Variants in TBC1D8 observed in about 807,000 individuals in gnomAD.
The protein encoded by TBC1D8 is TBC1 domain family member 8.
TBC1D8 carries 65 observed loss-of-function variants against 118.8 expected under a neutral mutation model. The ratio of observed to expected loss-of-function variants is 0.55; its 90% CI spans 0.45 to 0.67. TBC1D8 has a LOEUF of 0.67. Among genes scored for constraint, TBC1D8 ranks in the 30% least tolerant of loss-of-function variants. The pLI is 0.00. For missense variants in TBC1D8, 1,376 were observed against 1,471.2 expected, an observed-to-expected ratio of 0.94 and a Z score of 1.06; for synonymous variants, 566 against 595.8, an observed-to-expected ratio of 0.95 and a Z score of 0.73.
intron 1 of TBC1D8, among the ~76,000 whole-genome samples, chr2:101,121,705 C>A (rs1678116534): frequency 6.6e-6 from 1 of 152,200 alleles, no homozygotes; most frequent in South Asian, 2.1e-4. Context: ...AACATTTAGA[C>A]CATAGCACAA....
At chr2:101,053,633 A>G (rs1682204278) in intron 4 of TBC1D8, among the ~76,000 whole-genome samples, 1 of 152,210 alleles carries the variant, frequency 6.6e-6, no homozygotes, top group Non-Finnish European at 1.5e-5. Flanking sequence ...GCCACTGGAT[A>G]AACAGGTGAG....
chr2:101,018,854 G>C, intron 17 of TBC1D8: 3 of 1,007,116 alleles, frequency 3.0e-6, no homozygotes, highest in Non-Finnish European at 4.3e-6. Context: ...AGTCCAATTA[G>C]TATAATTAAC....
intron 1 of TBC1D8, among the ~76,000 whole-genome samples, chr2:101,125,735 G>A (rs1245534852): frequency 6.6e-6 from 1 of 152,214 alleles, no homozygotes; most frequent in South Asian, 2.1e-4. Flanking sequence ...AGAGCCCAGA[G>A]ACTTAAGGAT....
intron 3 of TBC1D8, 80 bp from the exon 4 acceptor site, chr2:101,054,416 G>C (rs1410349850): frequency 2.1e-6 from 3 of 1,415,982 alleles, no homozygotes. Context: ...GAAGCAGGAG[G>C]GACTGAGGTG....
chr2:101,093,718 G>GA (rs910585526), intron 1 of TBC1D8, among the ~76,000 whole-genome samples: 17 of 148,460 alleles, frequency 1.1e-4, no homozygotes, highest in Admixed American at 1.3e-4. Context: ...CCATCTCAGG[G>GA]AAAAAAAAAG....
At chr2:101,150,383 C>T (rs780899665) in intron 1 of TBC1D8, among the ~76,000 whole-genome samples, 2 of 152,118 alleles carry the variant, frequency 1.3e-5, no homozygotes, top group African/African-American at 2.4e-5. Context: ...CTAATTGTTC[C>T]TTCACTGACC....
intron 3 of TBC1D8, among the ~76,000 whole-genome samples, chr2:101,058,723 C>T (rs1682579613): frequency 6.8e-6 from 1 of 146,176 alleles, no homozygotes; most frequent in South Asian, 2.2e-4. Context: ...GTAGATCCAA[C>T]AGAACAGTGT....
chr2:101,014,517 C>A (rs911411251), intron 17 of TBC1D8, among the ~76,000 whole-genome samples: 3 of 152,212 alleles, frequency 2.0e-5, no homozygotes, highest in African/African-American at 7.2e-5. Context: ...TCTCCTCCAG[C>A]TAAATCTTTA....
intron 17 of TBC1D8, chr2:101,017,741 AG>A: frequency 7.3e-6 from 8 of 1,099,296 alleles, no homozygotes; most frequent in Non-Finnish European, 1.1e-5. Context: ...CAGGCAAGAT[AG>A]GGTCAAGTGA....
rs1335408435 is a variant in TBC1D8, at chr2:101,007,594, G to T, written c.*227C>A. 1.9e-6 allele frequency: 1 copy of T among 530,054 alleles called. No individual in the cohort carries two copies. Among genetic ancestry groups the T allele is most frequent in the Non-Finnish European group, 3.3e-6 (1 of 301,006 alleles). The allele number at this position is 530,054 out of a possible 1,614,324, so 32.8% of individuals were successfully genotyped here. ...TCAGCAAATCCGGTAAAAATTGTAA[G>T]TTGGCATCAAGGGAACCAATGGATA... On this transcript the variant is annotated 3_prime_UTR_variant, in exon 20 of 20. Coordinates refer to ENST00000409318, the MANE Select transcript of TBC1D8 (RefSeq NM_001330348.2).
At chr2:101,127,808 C>G (rs1678419610) in intron 1 of TBC1D8, among the ~76,000 whole-genome samples, 1 of 152,176 alleles carries the variant, frequency 6.6e-6, no homozygotes, top group African/African-American at 2.4e-5. Context: ...ATGTGAGGGT[C>G]ACAGCTCCTG....
rs1338916426 is a variant in TBC1D8 at position 101,137,222 on chromosome 2, G to A, written c.127+13905C>T. 5.3e-5 allele frequency among the ~76,000 whole-genome samples: 8 copies of A among 151,650 alleles called. No individual in the cohort carries two copies. In the South Asian group the frequency reaches 8.4e-4, roughly 16 times the overall value. On this transcript the variant is annotated intron_variant, in intron 1 of 19. Transcript: ENST00000409318. ...TAATTTTTGTATTTTTAGTAGAGAC[G>A]GAGTTTCACCATGTTGGTCAGGCTG...
At chr2:101,038,376 A>G in intron 7 of TBC1D8, 85 bp downstream of exon 7, 3 of 1,444,126 alleles carry the variant, frequency 2.1e-6, no homozygotes, top group South Asian at 1.2e-5. Context: ...TCATCCCCAC[A>G]TGGCTCTCCC....
At chr2:101,109,370 G>A (rs143893693) in intron 1 of TBC1D8, among the ~76,000 whole-genome samples, 5 of 152,250 alleles carry the variant, frequency 3.3e-5, no homozygotes, top group South Asian at 2.1e-4. Context: ...AACAAAAAAC[G>A]GTTAACATGG....
At chr2:101,032,691 A>G (rs1680743411) in intron 10 of TBC1D8, 1 of 310,794 alleles carries the variant, frequency 3.2e-6, no homozygotes, top group Admixed American at 4.4e-5. Context: ...GTTCAAGCAG[A>G]CACACACATG....
chr2:101,062,951 A>G (rs1682834325), intron 2 of TBC1D8, among the ~76,000 whole-genome samples: 1 of 152,094 alleles, frequency 6.6e-6, no homozygotes, highest in African/African-American at 2.4e-5. Flanking sequence ...TGCTAATTTG[A>G]ATTTTTAAGT....
At position 101,023,176 on chromosome 2, in the gene TBC1D8, G is replaced by A. The variant is rs970947650; in HGVS notation, c.2521-655C>T. 1.7e-4 allele frequency among the ~76,000 whole-genome samples: 25 copies of A among 146,998 alleles called. No individual in the cohort carries two copies. The East Asian group carries it at 5.1e-3, about 30-fold the overall frequency. ...TTTCCTTTTTTTGAGACGGAGTCTCGCTCGGTCACCCAGGCTGGAGTGCAG... is the reference window on the plus strand; with the variant it reads ...TTTCCTTTTTTTGAGACGGAGTCTCACTCGGTCACCCAGGCTGGAGTGCAG... On this transcript the variant is annotated intron_variant, in intron 15 of 19. Coordinates refer to ENST00000409318, the MANE Select transcript of TBC1D8 (RefSeq NM_001330348.2).
At position 101,009,420 on chromosome 2, in the gene TBC1D8, A is replaced by G. The variant is rs1350686393; in HGVS notation, c.3016-1147T>C. On this transcript the variant is annotated intron_variant, in intron 19 of 19. Coordinates refer to ENST00000409318, the MANE Select transcript of TBC1D8 (RefSeq NM_001330348.2). ...GACTCTGTCTCCAAAAAAAAAAAAA[A>G]AAAGAAAAATGCTTGGGTACTAATA... Among the ~76,000 whole-genome samples, 7 of 152,066 alleles carry G rather than the reference A, an allele frequency of 4.6e-5. No homozygotes were observed. In the South Asian group the frequency reaches 8.3e-4, roughly 18 times the overall value.
intron 1 of TBC1D8, among the ~76,000 whole-genome samples, chr2:101,099,992 G>A (rs556529710): frequency 4.8e-4 from 73 of 152,272 alleles, no homozygotes; most frequent in African/African-American, 1.6e-3. Context: ...ATTCAACATA[G>A]TATTGGAAGT....
Sources: gnomAD v4.1 joint callset for allele counts (sites outside exome capture counted in the v4.1 genomes callset) on GRCh38, gnomAD v4.1.1 for gene constraint, MANE v1.5 for transcripts, NCBI Gene and HGNC (gene_info 2026-07-23, HGNC 2026-07-21) for gene names.